The following GRM1 variants were observed in gnomAD, a reference collection of about 807,000 sequenced individuals.
GRM1 encodes the protein metabotropic glutamate receptor 1.
GRM1 carries 33 observed loss-of-function variants against 90.9 expected under a neutral mutation model. That is an observed-to-expected ratio of 0.36 (90% CI 0.28 to 0.49). GRM1 has a LOEUF of 0.49. Among genes scored for constraint, GRM1 ranks in the 20% least tolerant of loss-of-function variants. GRM1 has a pLI of 0.99. For missense variants in GRM1, 1,190 were observed against 1,534.3 expected (o/e 0.78, Z 3.75); for synonymous variants, 700 against 613.2 (o/e 1.14, Z -2.09).
Position 146,398,766 on chromosome 6 carries a change from C to T in GRM1, c.1730-3C>T, listed in dbSNP as rs1777057737. The T allele has an allele frequency of 6.2e-7, 1 of 1,602,946 alleles. No individual in the cohort carries two copies. Among genetic ancestry groups the T allele is most frequent in the Non-Finnish European group, 8.5e-7 (1 of 1,169,786 alleles). ...CATGCTCAAATGATTTTTCTCATCA[C>T]AGGCTGTGAGCCCATTCCTGTGCGC... On this transcript the variant is annotated splice_region_variant and splice_polypyrimidine_tract_variant and intron_variant, in intron 6 of 7. Coordinates refer to ENST00000282753, the MANE Select transcript of GRM1 (RefSeq NM_001278064.2).
At chr6:146,296,298 A>G (rs1783175282) in intron 2 of GRM1, among the ~76,000 whole-genome samples, 1 of 152,166 alleles carries the variant, frequency 6.6e-6, no homozygotes, top group Non-Finnish European at 1.5e-5. Flanking sequence ...TTAATTGACA[A>G]ATACTAATCC....
chr6:146,035,676 C>T (rs79157475), intron 1 of GRM1, among the ~76,000 whole-genome samples: 1,948 of 151,872 alleles, frequency 0.013, 41 homozygotes, highest in African/African-American at 0.044. Context: ...TTTTACCTTG[C>T]GCTGGAATAT....
chr6:146,109,061 G>C (rs191203451), intron 1 of GRM1, among the ~76,000 whole-genome samples: 350 of 152,306 alleles, frequency 2.3e-3, no homozygotes, highest in Non-Finnish European at 4.0e-3. Context: ...AAAATTTGCA[G>C]CCTGACAATG....
intron 2 of GRM1, among the ~76,000 whole-genome samples, chr6:146,235,026 G>A (rs1780589611): frequency 6.6e-6 from 1 of 152,130 alleles, no homozygotes; most frequent in Non-Finnish European, 1.5e-5. Flanking sequence ...GTGAGCCACT[G>A]CCCCTGGCCA....
At chr6:146,397,353 A>G (rs1267292055) in intron 6 of GRM1, among the ~76,000 whole-genome samples, 13 of 151,708 alleles carry the variant, frequency 8.6e-5, no homozygotes, top group Non-Finnish European at 1.5e-5. Context: ...GGGTGCCTGT[A>G]GCCCCAGCTA....
At chr6:146,377,089 G>A (rs6930314) in intron 5 of GRM1, among the ~76,000 whole-genome samples, 25,544 of 152,008 alleles carry the variant, frequency 0.17, 2,534 homozygotes, top group African/African-American at 0.28. Flanking sequence ...TGCAGTGGGA[G>A]TCCTTTAAAC....
At chr6:146,403,683 G>A (rs528695888) in intron 7 of GRM1, among the ~76,000 whole-genome samples, 1 of 152,018 alleles carries the variant, frequency 6.6e-6, no homozygotes, top group South Asian at 2.1e-4. Flanking sequence ...AAGCATTTTG[G>A]TTTTCTTTCC....
chr6:146,067,536 T>C (rs1252980322), intron 1 of GRM1, among the ~76,000 whole-genome samples: 1 of 152,136 alleles, frequency 6.6e-6, no homozygotes, highest in East Asian at 1.9e-4. Context: ...ATTATGCTTA[T>C]CTAAGTAGGA....
At chr6:146,163,734 C>A (rs74834741) in intron 2 of GRM1, among the ~76,000 whole-genome samples, 1 of 152,174 alleles carries the variant, frequency 6.6e-6, no homozygotes, top group Non-Finnish European at 1.5e-5. Context: ...ATTTATTTCA[C>A]GGTTTAGAGT....
intron 5 of GRM1, among the ~76,000 whole-genome samples, chr6:146,372,729 G>A (rs1353307517): frequency 6.6e-6 from 1 of 151,976 alleles, no homozygotes; most frequent in Non-Finnish European, 1.5e-5. Flanking sequence ...CTTTTTCCTA[G>A]TGTGTGTTAT....
intron 2 of GRM1, among the ~76,000 whole-genome samples, chr6:146,267,023 C>A (rs1334007796): frequency 2.0e-5 from 3 of 152,200 alleles, no homozygotes; most frequent in African/African-American, 7.2e-5. Flanking sequence ...ATTAGCTATT[C>A]TTCCTGATGC....
chr6:146,433,799 A>G (rs2114696780), intron 7 of GRM1, 73 bp from the exon 8 acceptor site: 10 of 1,101,656 alleles, frequency 9.1e-6, no homozygotes, highest in Middle Eastern at 2.0e-4. Context: ...CTAGGTTTGC[A>G]TATGTTTTCT....
chr6:146,186,359 A>AT (rs1282706949), intron 2 of GRM1, among the ~76,000 whole-genome samples: 1 of 151,892 alleles, frequency 6.6e-6, no homozygotes, highest in Admixed American at 6.6e-5. Context: ...TGAATTTTAC[A>AT]TTTTTGCTGT....
chr6:146,278,605 G>A (rs1226172758), intron 2 of GRM1, among the ~76,000 whole-genome samples: 2 of 152,096 alleles, frequency 1.3e-5, no homozygotes, highest in Admixed American at 6.6e-5. Context: ...GTGAAACCCT[G>A]TCTCTACTAA....
At position 146,258,679 on chromosome 6, in the gene GRM1, C is replaced by T. The variant is rs139419467; in HGVS notation, c.951-45932C>T. ...AGATTATAGATGTGAGTCATGGTGC[C>T]GGGCCTTTATTTTATCCCTGACTTA... On this transcript the variant is annotated intron_variant, in intron 2 of 7. Coordinates refer to ENST00000282753, the MANE Select transcript of GRM1 (RefSeq NM_001278064.2). 1.6e-4 allele frequency among the ~76,000 whole-genome samples: 25 copies of T among 152,110 alleles called. 1 individual carries two copies. Among genetic ancestry groups the T allele is most frequent in the Admixed American group, 1.1e-3 (17 of 15,258 alleles).
At chr6:146,273,821 A>T (rs188195436) in intron 2 of GRM1, among the ~76,000 whole-genome samples, 1 of 152,356 alleles carries the variant, frequency 6.6e-6, no homozygotes, top group African/African-American at 2.4e-5. Context: ...AAGGGTTATT[A>T]CAAGTAGTTA....
intron 1 of GRM1, among the ~76,000 whole-genome samples, chr6:146,138,094 A>T (rs570045886): frequency 6.6e-6 from 1 of 152,240 alleles, no homozygotes; most frequent in East Asian, 1.9e-4. Context: ...GGATTGCATC[A>T]TCTGCAAACA....
chr6:146,295,030 G>C (rs1212537446), intron 2 of GRM1, among the ~76,000 whole-genome samples: 1 of 151,900 alleles, frequency 6.6e-6, no homozygotes, highest in Non-Finnish European at 1.5e-5. Flanking sequence ...GATATATGTG[G>C]AATTAGTGTC....
At chr6:146,258,642 C>T (rs757596779) in intron 2 of GRM1, among the ~76,000 whole-genome samples, 73 of 152,204 alleles carry the variant, frequency 4.8e-4, no homozygotes, top group Non-Finnish European at 8.4e-4. Flanking sequence ...GCCATGGCCT[C>T]TGAAAGTGCT....
Sources: allele counts gnomAD v4.1 joint callset (sites outside exome capture counted in the v4.1 genomes callset), GRCh38; gene constraint gnomAD v4.1.1; transcripts MANE v1.5; gene names NCBI Gene and HGNC (gene_info 2026-07-23, HGNC 2026-07-21).